PRPF8: variants seen among roughly 807,000 people sequenced by gnomAD.
PRPF8 encodes the protein pre-mRNA-processing-splicing factor 8.
PRPF8 carries 64 observed loss-of-function variants against 285.9 expected under a neutral mutation model. That is an observed-to-expected ratio of 0.22 (90% CI 0.18 to 0.28). The LOEUF (loss-of-function observed/expected upper bound fraction) is 0.28, where lower values mean the gene tolerates loss of function less well. PRPF8 is among the 10% of genes least tolerant of loss of function. The pLI is 1.00. For synonymous variants in PRPF8, 1,325 were observed against 1,118.2 expected (o/e 1.18, Z -3.69); for missense variants, 1,426 against 3,026.7 (o/e 0.47, Z 12.41).
At position 1,674,828 on chromosome 17, in the gene PRPF8, C is replaced by T. The variant is rs8066413; in HGVS notation, c.3061-148G>A. On this transcript the variant is annotated intron_variant, in intron 20 of 42. Transcript: ENST00000304992. ...CTCAGTCACCCAGGCTGAGAGTGCA[C>T]TGGCGCAATCTCAGCTCACTGCAAC... 3.7e-4 allele frequency: 317 copies of T among 853,834 alleles called. 4 individuals carry two copies. In the Middle Eastern group the frequency reaches 4.5e-3, roughly 12 times the overall value. 52.9% of individuals were successfully genotyped at this position (853,834 alleles called of 1,614,324 possible).
rs1300083338 is a variant in PRPF8, at chr17:1,676,628, G to A, written c.2265C>T (p.His755=). ...AKADWWTNTA[H]YNRERIRRGA... is the part of the protein sequence containing the mutation. ...CTCGGCGGATCCGTTCTCGGTTGTA[G>A]TGGGCAGTGTTGGTCCACCAGTCAG... Residue 755 remains histidine, a synonymous_variant, in exon 16 of 43, where the codon CAC becomes CAT. Coordinates refer to ENST00000304992, the MANE Select transcript of PRPF8 (RefSeq NM_006445.4). The surrounding 1 kb of genome is among the most constrained non-coding windows in gnomAD (Gnocchi z 6.3). 1.9e-6 allele frequency: 3 copies of A among 1,614,096 alleles called. No homozygotes were observed. The highest frequency in any genetic ancestry group is 3.3e-5 in the Admixed American group (2 of 60,010).
In PRPF8 at chr17:1,674,666, C is replaced by A. The variant is rs199743069; in HGVS notation, c.3075G>T (p.Thr1025=). The A allele has an allele frequency of 6.8e-6, 11 of 1,613,794 alleles. No individual in the cohort carries two copies. In the Admixed American group the frequency reaches 1.3e-4, roughly 20 times the overall value. Residue 1025 remains threonine (T), a synonymous_variant, in exon 21 of 43, where the codon ACG becomes ACT. Coordinates refer to ENST00000304992, the MANE Select transcript of PRPF8 (RefSeq NM_006445.4). ...VVINYKDMNH[T]NSYGIIRGLQ... is the part of the protein sequence containing the mutation. ...GGCCTCTGATGATCCCATATGAATT[C>A]GTATGGTTCATGTCCTAGAAAGAAA...
intron 8 of PRPF8, among the ~76,000 whole-genome samples, chr17:1,680,262 T>C (rs1912834458): frequency 6.6e-6 from 1 of 152,206 alleles, no homozygotes; most frequent in African/African-American, 2.4e-5. Context: ...AGATTAGTGG[T>C]TGCGTAAGGA....
chr17:1,658,855 G>A lies in PRPF8; in HGVS notation c.5139-92C>T, dbSNP rs1427020923. On this transcript the variant is annotated intron_variant, in intron 32 of 42. Transcript: ENST00000304992. This position sits in a 1 kb window ranked among gnomAD's most constrained non-coding sequence, Gnocchi z 4.1. ...CCAACTCTACAGAGGAAGAAAGACT[G>A]TTCGCCAGGCTGACAACACTCTGCT... 2 of 1,129,896 alleles carry A rather than the reference G, an allele frequency of 1.8e-6. No homozygotes were observed. The highest frequency in any genetic ancestry group is 4.8e-5 in the East Asian group (2 of 41,928). 70.0% of individuals were successfully genotyped at this position (1,129,896 alleles called of 1,614,324 possible).
intron 24 of PRPF8, among the ~76,000 whole-genome samples, chr17:1,671,875 AT>A (rs1426958580): frequency 7.4e-5 from 11 of 147,990 alleles, no homozygotes; most frequent in African/African-American, 1.5e-4. Context: ...AAAAAAAAAA[AT>A]TAAAAATTAG....
At chr17:1,664,134 G>A (rs918634982) in intron 24 of PRPF8, among the ~76,000 whole-genome samples, 77 of 152,128 alleles carry the variant, frequency 5.1e-4, no homozygotes, top group Non-Finnish European at 4.4e-5. Flanking sequence ...AGGCTCAGGA[G>A]ACTCTCCCGC....
Position 1,661,046 on chromosome 17 carries a change from C to T in PRPF8, c.4455G>A (p.Leu1485=). 6.2e-7 allele frequency: 1 copy of T among 1,614,138 alleles called. No homozygotes were observed. The highest frequency in any genetic ancestry group is 2.2e-5 in the East Asian group (1 of 44,880). The change falls in exon 28 of 43, where the codon CTG becomes CTA. Residue 1485 remains leucine (L), a synonymous_variant. Transcript: ENST00000304992. This position sits in a 1 kb window ranked among gnomAD's most constrained non-coding sequence, Gnocchi z 7.3. ...AAGTGCCCTTAAAGAGTGTGTGTTC[C>T]AGAATGCCTTCCACACCGCCCAGGG... ...IQALGGVEGI[L]EHTLFKGTYF...
rs1167140127 is a variant in PRPF8 at position 1,681,133 on chromosome 17, C to T, written c.867-79G>A. On this transcript the variant is annotated intron_variant, in intron 6 of 42. Transcript: ENST00000304992. ...CACTCTTATCACCCAAGCTGGAATGCAATGGCATGATCATCGTTCACTGCA... is the reference window on the plus strand; with the variant it reads ...CACTCTTATCACCCAAGCTGGAATGTAATGGCATGATCATCGTTCACTGCA... 50 of 1,463,666 alleles carry T rather than the reference C, an allele frequency of 3.4e-5. No homozygotes were observed. The South Asian group carries it at 4.9e-4, about 14-fold the overall frequency. 90.7% of individuals were successfully genotyped at this position (1,463,666 alleles called of 1,614,324 possible).
rs549606378 is a variant in PRPF8 at position 1,678,774 on chromosome 17, C to T, written c.1707G>A (p.Val569=). The change falls in exon 12 of 43, where the codon GTG becomes GTA. Residue 569 remains valine, a synonymous_variant. Transcript: ENST00000304992. The stretch of plus-strand genomic sequence containing the variant: ...TACCTAACCTTACCTGGAAGGCATC[C>T]ACATTGCCCAGCCGATACTGCACGT... The part of the protein sequence containing the change: ...DSHVQYRLGN[V]DAFQLADGLQ... The T allele has an allele frequency of 6.2e-7, 1 of 1,614,022 alleles. No individual in the cohort carries two copies. Among genetic ancestry groups the T allele is most frequent in the East Asian group, 2.2e-5 (1 of 44,892 alleles).
intron 36 of PRPF8, among the ~76,000 whole-genome samples, chr17:1,656,134 C>A (rs1204251813): frequency 6.6e-6 from 1 of 151,340 alleles, no homozygotes; most frequent in Admixed American, 6.6e-5. Context: ...TGTTGGCCAG[C>A]CTGATCTCAA....
Position 1,679,499 on chromosome 17 carries a change from A to C in PRPF8, c.1290-89T>G. 6.4e-7 allele frequency: 1 copy of C among 1,567,516 alleles called. No homozygotes were observed. Among genetic ancestry groups the C allele is most frequent in the Non-Finnish European group, 8.6e-7 (1 of 1,164,380 alleles). On this transcript the variant is annotated intron_variant, in intron 9 of 42. Transcript: ENST00000304992. This position sits in a 1 kb window ranked among gnomAD's most constrained non-coding sequence, Gnocchi z 4.7. ...AAGCCTTGGGTTGTCTACCATTTTT[A>C]TGGGAAAAAAAAAAAAAGAATTTAA...
At position 1,683,788 on chromosome 17, in the gene PRPF8, G is replaced by A. The variant is rs1027353621; in HGVS notation, c.101-87C>T. 6.6e-6 allele frequency: 10 copies of A among 1,519,460 alleles called. No individual in the cohort carries two copies. The East Asian group carries it at 2.1e-4, about 32-fold the overall frequency. The allele number at this position is 1,519,460 out of a possible 1,614,324, so 94.1% of individuals were successfully genotyped here. On this transcript the variant is annotated intron_variant, in intron 2 of 42. Coordinates refer to ENST00000304992, the MANE Select transcript of PRPF8 (RefSeq NM_006445.4). ...CCCTAGGGTAAGCTCCTGTCAGTGA[G>A]TGTGAGGGAGAAGCAGGCACCAGCA... is the stretch of plus-strand genomic sequence containing the variant.
chr17:1,663,587 T>C (rs1199682958), intron 24 of PRPF8, among the ~76,000 whole-genome samples: 2 of 151,696 alleles, frequency 1.3e-5, no homozygotes, highest in Non-Finnish European at 2.9e-5. Flanking sequence ...CACGCGCCTG[T>C]AGTCTCAGTT....
In PRPF8 at chr17:1,653,372, T is replaced by C. The variant is rs1911187275; in HGVS notation, c.6369+170A>G. On this transcript the variant is annotated intron_variant, in intron 39 of 42. Transcript: ENST00000304992. This position sits in a 1 kb window ranked among gnomAD's most constrained non-coding sequence, Gnocchi z 4.9. ...ACCTTCTCTCAGCTGCCACAGCTTTTGCTATCTCATGGGGCCAAAACCCAC... is the reference window on the plus strand; with the variant it reads ...ACCTTCTCTCAGCTGCCACAGCTTTCGCTATCTCATGGGGCCAAAACCCAC... The C allele has an allele frequency of 1.2e-6, 1 of 807,246 alleles. No individual in the cohort carries two copies. The highest frequency in any genetic ancestry group is 1.7e-5 in the African/African-American group (1 of 58,822). 50.0% of individuals were successfully genotyped at this position (807,246 alleles called of 1,614,324 possible). A position where few individuals can be genotyped will look rare whatever the true frequency, so the allele number is the denominator to read the frequency against.
chr17:1,665,038 T>C (rs1481263128), intron 24 of PRPF8, among the ~76,000 whole-genome samples: 1 of 151,282 alleles, frequency 6.6e-6, no homozygotes, highest in African/African-American at 2.4e-5. Context: ...CGGGCACCTG[T>C]AATCCCAGCT....
chr17:1,663,306 A>G (rs1333904612), intron 24 of PRPF8, among the ~76,000 whole-genome samples: 1 of 152,192 alleles, frequency 6.6e-6, no homozygotes, highest in South Asian at 2.1e-4. Context: ...ATAATTTAAA[A>G]AAAAAAGAGT....
chr17:1,666,662 T>G (rs902242663), intron 24 of PRPF8, among the ~76,000 whole-genome samples: 3 of 151,970 alleles, frequency 2.0e-5, no homozygotes, highest in African/African-American at 7.3e-5. Flanking sequence ...AAATACCAAA[T>G]GATATAGTCA....
chr17:1,657,467 A>C (rs1911448381), intron 34 of PRPF8, among the ~76,000 whole-genome samples: 1 of 151,894 alleles, frequency 6.6e-6, no homozygotes, highest in Non-Finnish European at 1.5e-5. Flanking sequence ...AACATGGTGA[A>C]ACCCCGTCTC....
chr17:1,657,879 G>A (rs1444584806), intron 34 of PRPF8, among the ~76,000 whole-genome samples: 2 of 151,046 alleles, frequency 1.3e-5, no homozygotes, highest in Non-Finnish European at 2.9e-5. Flanking sequence ...GCTAAGGCAG[G>A]AGAATGGCGT....
Sources: gnomAD v4.1 joint callset for allele counts (sites outside exome capture counted in the v4.1 genomes callset) on GRCh38, gnomAD v4.1.1 for gene constraint, Gnocchi (gnomAD v3.1) non-coding constraint, MANE v1.5 for transcripts, NCBI Gene and HGNC (gene_info 2026-07-23, HGNC 2026-07-21) for gene names.